BEND6: variants seen among roughly 807,000 people sequenced by gnomAD.
BEND6 encodes BEN domain containing 6, also known as BEN domain-containing protein 6.
A neutral mutation model predicts 31.8 loss-of-function variants in BEND6; 24 were observed. The observed-to-expected ratio is 0.75, with a 90% CI of 0.55 to 1.06. The LOEUF is 1.06. Ranked by LOEUF, BEND6 falls within the 50% of genes least tolerant of loss-of-function variation. BEND6 has a pLI of 0.00. For synonymous variants in BEND6, 109 were observed against 114.6 expected (o/e 0.95, Z 0.31); for missense variants, 294 against 327.4 (o/e 0.90, Z 0.79).
rs771386376 is a variant in BEND6 at position 56,981,814 on chromosome 6, CAGA to C, written c.8_10del (p.Lys3del). ...CCTTTGATAACTAATTGAGAAAATG[CAGA>C]AGATCGTGCAGACAGATGAAATTAC... On this transcript the variant is annotated inframe_deletion, in exon 2 of 7. Coordinates refer to ENST00000370746, the MANE Select transcript of BEND6 (RefSeq NM_152731.3). 1.2e-6 allele frequency: 2 copies of C among 1,611,430 alleles called. No homozygotes were observed. The highest frequency in any genetic ancestry group is 1.7e-6 in the Non-Finnish European group (2 of 1,178,920).
intron 2 of BEND6, among the ~76,000 whole-genome samples, chr6:56,991,413 C>T (rs2127862153): frequency 6.6e-6 from 1 of 151,726 alleles, no homozygotes; most frequent in Middle Eastern, 3.4e-3. Context: ...ATCCCTCTGT[C>T]ACCCAGGGTG....
chr6:57,024,451 C>T (rs760582800), intron 6 of BEND6, among the ~76,000 whole-genome samples: 17 of 151,630 alleles, frequency 1.1e-4, no homozygotes, highest in Non-Finnish European at 2.1e-4. Context: ...ATATCCTTCG[C>T]ATTTGAAAGA....
rs919740714 is a variant in BEND6, at chr6:57,017,548, T to C, written c.712+149T>C. The C allele has an allele frequency of 3.1e-5, 19 of 614,190 alleles. 1 individual carries two copies. In the African/African-American group the frequency reaches 3.4e-4, roughly 11 times the overall value. 38.0% of individuals were successfully genotyped at this position (614,190 alleles called of 1,614,324 possible). ...AGGATAGTCTAAAGCTCTCATTAAA[T>C]ATGGGAAATTTTATAGAAAAACTTT... On this transcript the variant is annotated intron_variant, in intron 5 of 6. Transcript: ENST00000370746.
intron 3 of BEND6, among the ~76,000 whole-genome samples, chr6:57,011,542 A>C (rs1349500727): frequency 6.6e-6 from 1 of 151,534 alleles, no homozygotes; most frequent in Non-Finnish European, 1.5e-5. Flanking sequence ...ACATAGGGAG[A>C]CTCCATTTCT....
chr6:57,012,928 C>A (rs1035647611), intron 3 of BEND6, among the ~76,000 whole-genome samples: 1 of 152,086 alleles, frequency 6.6e-6, no homozygotes, highest in Non-Finnish European at 1.5e-5. Flanking sequence ...CCTCTAACGA[C>A]CCCCTCATTC....
chr6:57,023,579 T>A (rs56231417), intron 6 of BEND6, among the ~76,000 whole-genome samples: 2,076 of 152,320 alleles, frequency 0.014, 46 homozygotes, highest in African/African-American at 0.047. Context: ...AGCCATCCTA[T>A]ACCTTTTAAT....
At chr6:56,968,312 CTTTTTTTT>C (rs779756084) in intron 1 of BEND6, among the ~76,000 whole-genome samples, 5 of 65,982 alleles carry the variant, frequency 7.6e-5, no homozygotes, top group Non-Finnish European at 7.6e-5. Context: ...TCTTTCTTTT[CTTTTTTTT>C]TTTTTTTTTT....
intron 2 of BEND6, among the ~76,000 whole-genome samples, chr6:56,982,340 A>G (rs2127853332): frequency 6.6e-6 from 1 of 152,292 alleles, no homozygotes; most frequent in East Asian, 1.9e-4. Context: ...CTGTCAGAAA[A>G]TATTTTTTCC....
chr6:56,996,645 T>A (rs1411073181), intron 3 of BEND6, among the ~76,000 whole-genome samples: 2 of 152,240 alleles, frequency 1.3e-5, no homozygotes, highest in African/African-American at 4.8e-5. Context: ...TTAGCTAATG[T>A]TAACTTCATT....
intron 1 of BEND6, among the ~76,000 whole-genome samples, chr6:56,956,032 C>T (rs944537403): frequency 2.0e-5 from 3 of 152,260 alleles, no homozygotes; most frequent in Non-Finnish European, 4.4e-5. Flanking sequence ...CAGGAAGCGG[C>T]TGCTGCAGCA....
At chr6:57,024,803 C>G (rs1827853196) in intron 6 of BEND6, among the ~76,000 whole-genome samples, 2 of 152,180 alleles carry the variant, frequency 1.3e-5, no homozygotes, top group Admixed American at 1.3e-4. Context: ...CTTTCCACTC[C>G]TTGCTCTTGT....
At chr6:56,969,869 T>G (rs1268857161) in intron 1 of BEND6, among the ~76,000 whole-genome samples, 1 of 152,178 alleles carries the variant, frequency 6.6e-6, no homozygotes, top group Non-Finnish European at 1.5e-5. Flanking sequence ...ACTCCCCTTT[T>G]TCTACGTCTT....
At chr6:57,002,979 C>T (rs1021962262) in intron 3 of BEND6, among the ~76,000 whole-genome samples, 1 of 152,036 alleles carries the variant, frequency 6.6e-6, no homozygotes, top group Admixed American at 6.6e-5. Context: ...AAGAAAAAAA[C>T]AGAGAAAATC....
At chr6:57,007,744 G>C (rs576542119) in intron 3 of BEND6, among the ~76,000 whole-genome samples, 7 of 152,038 alleles carry the variant, frequency 4.6e-5, no homozygotes, top group African/African-American at 1.7e-4. Flanking sequence ...TTTACAGTGC[G>C]CTGTGATCAT....
Position 57,027,300 on chromosome 6 carries a change from T to C in BEND6, c.*1228T>C, listed in dbSNP as rs1827933347. ...CTTAAGGAAACAACTTATGTAACAT[T>C]TGCTACCTTTATGTAAACATAAATA... On this transcript the variant is annotated 3_prime_UTR_variant, in exon 7 of 7. Transcript: ENST00000370746. 1 of 152,260 alleles carries C rather than the reference T, an allele frequency of 6.6e-6. No individual in the cohort carries two copies. The highest frequency in any genetic ancestry group is 2.4e-5 in the African/African-American group (1 of 41,468). The allele number at this position is 152,260 out of a possible 1,614,324, so 9.4% of individuals were successfully genotyped here. A position where few individuals can be genotyped will look rare whatever the true frequency, so the allele number is the denominator to read the frequency against.
intron 2 of BEND6, among the ~76,000 whole-genome samples, chr6:56,983,168 A>T (rs1382799414): frequency 6.6e-6 from 1 of 152,176 alleles, no homozygotes; most frequent in Non-Finnish European, 1.5e-5. Flanking sequence ...CTGTTTTTTT[A>T]AAATAAATTT....
In BEND6 at chr6:57,026,241, A is replaced by G. The variant is rs1243071335; in HGVS notation, c.*169A>G. The G allele has an allele frequency of 6.6e-6, 1 of 152,240 alleles. No individual in the cohort carries two copies. The highest frequency in any genetic ancestry group is 1.5e-5 in the Non-Finnish European group (1 of 68,042). 9.4% of individuals were successfully genotyped at this position (152,240 alleles called of 1,614,324 possible). ...GCTGAGCTCTCCTAAGGGACCAACA[A>G]GCTTGCTGAAGAAGCTGCATGTAGA... On this transcript the variant is annotated 3_prime_UTR_variant, in exon 7 of 7. Coordinates refer to ENST00000370746, the MANE Select transcript of BEND6 (RefSeq NM_152731.3).
At chr6:57,020,587 A>C (rs1401579428) in intron 6 of BEND6, among the ~76,000 whole-genome samples, 1 of 151,892 alleles carries the variant, frequency 6.6e-6, no homozygotes, top group Non-Finnish European at 1.5e-5. Flanking sequence ...CACACAGCTA[A>C]TTTGTGTATT....
chr6:56,976,007 T>A, intron 1 of BEND6: 1 of 498,768 alleles, frequency 2.0e-6, no homozygotes, highest in South Asian at 1.6e-5. Context: ...CAGCTTCAGG[T>A]TGGGACATTC....
Sources: allele counts gnomAD v4.1 joint callset (sites outside exome capture counted in the v4.1 genomes callset), GRCh38; gene constraint gnomAD v4.1.1; transcripts MANE v1.5; gene names NCBI Gene and HGNC (gene_info 2026-07-23, HGNC 2026-07-21).